Variants in F2 observed in about 807,000 individuals in gnomAD.
F2 encodes the protein coagulation factor II, thrombin, also known as prothrombin.
F2 carries 34 observed loss-of-function variants against 81.9 expected under a neutral mutation model. The observed-to-expected ratio is 0.42, with a 90% CI of 0.32 to 0.55. The LOEUF is 0.55. F2 is among the 20% of genes least tolerant of loss of function. F2 has a pLI of 0.18. For missense variants in F2, 630 were observed against 833.4 expected (o/e 0.76, Z 3.00); for synonymous variants, 296 against 326.4 (o/e 0.91, Z 1.01).
At chr11:46,727,317 C>G (rs1262144330) in intron 9 of F2, among the ~76,000 whole-genome samples, 1 of 152,192 alleles carries the variant, frequency 6.6e-6, no homozygotes, top group Admixed American at 6.5e-5. Flanking sequence ...CCACCACACC[C>G]GGCCCATGGG....
chr11:46,734,263 T>C (rs1342740518), intron 12 of F2, among the ~76,000 whole-genome samples: 1 of 152,110 alleles, frequency 6.6e-6, no homozygotes, highest in Non-Finnish European at 1.5e-5. Flanking sequence ...CTAGTATTTG[T>C]ATTATATAAT....
Position 46,726,295 on chromosome 11 carries a change from C to T in F2, c.874+122C>T. The T allele has an allele frequency of 2.1e-6, 3 of 1,452,064 alleles. No individual in the cohort carries two copies. Among genetic ancestry groups the T allele is most frequent in the Non-Finnish European group, 2.8e-6 (3 of 1,067,464 alleles). The allele number at this position is 1,452,064 out of a possible 1,614,324, so 89.9% of individuals were successfully genotyped here. A position where few individuals can be genotyped will look rare whatever the true frequency, so the allele number is the denominator to read the frequency against. The stretch of plus-strand genomic sequence containing the variant: ...GCGCTCATTACAGCCTTACAGTAAC[C>T]AGGTGGGGGGTAAGGTCCTGTGCCC... On this transcript the variant is annotated intron_variant, in intron 7 of 13. Coordinates refer to ENST00000311907, the MANE Select transcript of F2 (RefSeq NM_000506.5). This position sits in a 1 kb window ranked among gnomAD's most constrained non-coding sequence, Gnocchi z 5.9.
intron 9 of F2, among the ~76,000 whole-genome samples, chr11:46,727,387 C>T (rs967682942): frequency 3.3e-5 from 5 of 152,178 alleles, no homozygotes; most frequent in African/African-American, 4.8e-5. Context: ...CTCACCTCCG[C>T]GCACAGCTAA....
intron 12 of F2, among the ~76,000 whole-genome samples, chr11:46,736,942 TAAG>T (rs2064947503): frequency 1.3e-5 from 2 of 152,230 alleles, no homozygotes; most frequent in Admixed American, 1.3e-4. Context: ...TATCCAAGGA[TAAG>T]AAACGTTTTC....
chr11:46,738,376 T>C (rs1207523388), intron 12 of F2, among the ~76,000 whole-genome samples: 1 of 152,196 alleles, frequency 6.6e-6, no homozygotes, highest in Non-Finnish European at 1.5e-5. Flanking sequence ...GTGGGGAGAT[T>C]TGGATAAAAG....
intron 12 of F2, among the ~76,000 whole-genome samples, chr11:46,737,990 C>T (rs1162708954): frequency 6.6e-6 from 1 of 151,876 alleles, no homozygotes; most frequent in Non-Finnish European, 1.5e-5. Flanking sequence ...GTACATGCCA[C>T]CATGTCCGGC....
rs2064965257 is a variant in F2, at chr11:46,739,488, T to TAA, written c.*83_*84dup. ...GTGTTTCTAAAACTATGGTTCCCAA[T>TAA]AAAAGTGACTCTCAGCGAGCCTCAA... is the stretch of plus-strand genomic sequence containing the variant. On this transcript the variant is annotated 3_prime_UTR_variant, in exon 14 of 14. Coordinates refer to ENST00000311907, the MANE Select transcript of F2 (RefSeq NM_000506.5). 1 of 1,582,436 alleles carries TAA rather than the reference T, an allele frequency of 6.3e-7. No individual in the cohort carries two copies. Among genetic ancestry groups the TAA allele is most frequent in the African/African-American group, 1.3e-5 (1 of 74,290 alleles).
intron 6 of F2, 104 bp from the exon 7 acceptor site, chr11:46,725,755 G>GT: frequency 7.6e-7 from 1 of 1,318,448 alleles, no homozygotes; most frequent in South Asian, 1.2e-5. Context: ...GTAACCTGAG[G>GT]TCACACAGGC....
rs939420608 is a variant in F2 at position 46,719,920 on chromosome 11, C to A, written c.240+58C>A. 6 of 1,538,358 alleles carry A rather than the reference C, an allele frequency of 3.9e-6. No homozygotes were observed. In the African/African-American group the frequency reaches 8.2e-5, roughly 21 times the overall value. On this transcript the variant is annotated intron_variant, in intron 2 of 13. Transcript: ENST00000311907. This position sits in a 1 kb window ranked among gnomAD's most constrained non-coding sequence, Gnocchi z 4.7. Reference sequence around the variant, plus strand: ...CTCAGACCGGGCCCAACTCTAGACACTTCCACAGAGAAGCAAGCGAGGAAC... The same window carrying A: ...CTCAGACCGGGCCCAACTCTAGACAATTCCACAGAGAAGCAAGCGAGGAAC...
Position 46,719,401 on chromosome 11 carries a change from A to C in F2, c.79+87A>C. 6.8e-7 allele frequency: 1 copy of C among 1,463,822 alleles called. No homozygotes were observed. Among genetic ancestry groups the C allele is most frequent in the Non-Finnish European group, 9.4e-7 (1 of 1,067,712 alleles). 90.7% of individuals were successfully genotyped at this position (1,463,822 alleles called of 1,614,324 possible). On this transcript the variant is annotated intron_variant, in intron 1 of 13. Transcript: ENST00000311907. This position sits in a 1 kb window ranked among gnomAD's most constrained non-coding sequence, Gnocchi z 4.7. ...GGTCTCCTGGCTGGACAGAGCACAC[A>C]GAGCTGGCCCCTAAGTAGGTCTCAG...
At chr11:46,729,691 T>A in intron 12 of F2, 130 bp downstream of exon 12, 2 of 1,001,372 alleles carry the variant, frequency 2.0e-6, no homozygotes, top group East Asian at 2.5e-5. Context: ...TCTTCCTCTG[T>A]AAAATGGAGG....
At position 46,719,468 on chromosome 11, in the gene F2, C is replaced by CTGGA; in HGVS notation, c.79+155_79+158dup. ...TAGGGAAGAAGTCAGGAGCTCAGGG[C>CTGGA]TGGAAAGAGAATGGCTGCTTCTCTC... On this transcript the variant is annotated intron_variant, in intron 1 of 13. Transcript: ENST00000311907. The surrounding 1 kb of genome is among the most constrained non-coding windows in gnomAD (Gnocchi z 4.7). 1 of 1,020,120 alleles carries CTGGA rather than the reference C, an allele frequency of 9.8e-7. No homozygotes were observed. 63.2% of individuals were successfully genotyped at this position (1,020,120 alleles called of 1,614,324 possible). A position where few individuals can be genotyped will look rare whatever the true frequency, so the allele number is the denominator to read the frequency against.
rs1053596936 is a variant in F2 at position 46,723,345 on chromosome 11, G to T, written c.423-37G>T. The T allele has an allele frequency of 6.8e-6, 11 of 1,613,592 alleles. No individual in the cohort carries two copies. The South Asian group carries it at 1.2e-4, about 18-fold the overall frequency. On this transcript the variant is annotated intron_variant, in intron 5 of 13. Coordinates refer to ENST00000311907, the MANE Select transcript of F2 (RefSeq NM_000506.5). The surrounding 1 kb of genome is among the most constrained non-coding windows in gnomAD (Gnocchi z 5.6). ...AGAACAGGGAGCAAGCGTACCTCAA[G>T]CCCAACAGCCTCCTGTTGGGCAATT...
intron 12 of F2, among the ~76,000 whole-genome samples, chr11:46,737,839 C>G (rs1189196917): frequency 1.4e-5 from 2 of 141,356 alleles, no homozygotes; most frequent in African/African-American, 5.1e-5. Context: ...CTCTTGCTAG[C>G]TTTTTTTTTT....
intron 12 of F2, among the ~76,000 whole-genome samples, chr11:46,730,506 G>T: frequency 6.6e-6 from 1 of 151,378 alleles, no homozygotes; most frequent in Admixed American, 6.6e-5. Flanking sequence ...CAGTAGGGAG[G>T]CCTGGGGGGC....
intron 2 of F2, 185 bp downstream of exon 2, chr11:46,720,047 C>A: frequency 1.3e-6 from 1 of 788,634 alleles, no homozygotes; most frequent in Non-Finnish European, 2.0e-6. Flanking sequence ...GGTCTCTGTG[C>A]CTGGACTGTG....
In F2 at chr11:46,726,650, G is replaced by T. The variant is rs1278397775; in HGVS notation, c.1003+24G>T. On this transcript the variant is annotated intron_variant, in intron 8 of 13. Transcript: ENST00000311907. This position sits in a 1 kb window ranked among gnomAD's most constrained non-coding sequence, Gnocchi z 5.9. ...AGGTGAGGTAGTGGGCATCCGAGGG[G>T]ATGCGGGGCTGCGGGGCTGGTGGCC... 6.2e-7 allele frequency: 1 copy of T among 1,613,606 alleles called. No individual in the cohort carries two copies. Among genetic ancestry groups the T allele is most frequent in the Non-Finnish European group, 8.5e-7 (1 of 1,179,478 alleles).
At chr11:46,735,418 C>T (rs887500295) in intron 12 of F2, among the ~76,000 whole-genome samples, 6 of 149,046 alleles carry the variant, frequency 4.0e-5, no homozygotes, top group African/African-American at 1.5e-4. Flanking sequence ...TCCAGCCTGG[C>T]GACAGAGCAA....
At chr11:46,724,393 C>T (rs957140130) in intron 6 of F2, among the ~76,000 whole-genome samples, 2 of 152,114 alleles carry the variant, frequency 1.3e-5, no homozygotes, top group Non-Finnish European at 2.9e-5. Flanking sequence ...TCTGGCTCCT[C>T]GTTGAGGGTT....
Sources: allele counts gnomAD v4.1 joint callset (sites outside exome capture counted in the v4.1 genomes callset), GRCh38; gene constraint gnomAD v4.1.1; non-coding constraint Gnocchi (gnomAD v3.1); transcripts MANE v1.5; gene names NCBI Gene and HGNC (gene_info 2026-07-23, HGNC 2026-07-21).